Variants in IFT74 observed in about 807,000 individuals in gnomAD.
IFT74 encodes the protein intraflagellar transport 74.
In IFT74, 92 loss-of-function variants were observed where a neutral mutation model predicts 96.7. The ratio of observed to expected loss-of-function variants is 0.95; its 90% confidence interval spans 0.80 to 1.13. The LOEUF is 1.13. IFT74 is among the 50% of genes most tolerant of loss of function. The pLI, the probability that IFT74 is intolerant of heterozygous loss-of-function variation, is 0.00. For synonymous variants in IFT74, 223 were observed against 213.2 expected, an observed-to-expected ratio of 1.05 and a Z score of -0.40; for missense variants, 811 against 698.2, an observed-to-expected ratio of 1.16 and a Z score of -1.82.
chr9:26,949,813 C>T (rs1008162586), intron 1 of IFT74, among the ~76,000 whole-genome samples: 1 of 152,146 alleles, frequency 6.6e-6, no homozygotes. Context: ...GAACTATCTT[C>T]GTGAACCTGA....
In IFT74 at chr9:27,064,320, A is replaced by G. The variant is rs2131722753; in HGVS notation, c.*1584A>G. Among the ~76,000 whole-genome samples, 1 of 152,146 alleles carries G rather than the reference A, an allele frequency of 6.6e-6. No homozygotes were observed. Among genetic ancestry groups the G allele is most frequent in the South Asian group, 2.1e-4 (1 of 4,816 alleles). On this transcript the variant is annotated 3_prime_UTR_variant, in exon 20 of 20. Coordinates refer to ENST00000380062, the MANE Select transcript of IFT74 (RefSeq NM_025103.4). ...CTCAGCTGTTTTATGCTGTGATTGT[A>G]TGGGGTTTTCTATTGGAAATTGGTA...
At position 27,049,771 on chromosome 9, in the gene IFT74, G is replaced by C. The variant is rs1020329236; in HGVS notation, c.1333+1497G>C. On this transcript the variant is annotated intron_variant, in intron 16 of 19. Transcript: ENST00000380062. ...CACATATCCAGCCTAGTCTTGGATA[G>C]TTAAGAAGAGATGATGTTTCACTTT... Among the ~76,000 whole-genome samples the C allele has an allele frequency of 5.3e-5, 8 of 152,300 alleles. No individual in the cohort carries two copies. The South Asian group carries it at 1.2e-3, about 24-fold the overall frequency.
At chr9:27,044,686 T>C in intron 13 of IFT74, 56 bp from the exon 14 acceptor site, 1 of 971,534 alleles carries the variant, frequency 1.0e-6, no homozygotes. Context: ...ATTTTTAATT[T>C]AGAGCCCTGT....
intron 14 of IFT74, among the ~76,000 whole-genome samples, chr9:27,045,591 G>C (rs1052111868): frequency 1.3e-5 from 2 of 151,920 alleles, no homozygotes; most frequent in African/African-American, 2.4e-5. Context: ...ATCTCAGCCT[G>C]ATTTTATAAA....
chr9:26,998,008 A>G, intron 8 of IFT74: 1 of 1,613,928 alleles, frequency 6.2e-7, no homozygotes, highest in Admixed American at 1.7e-5. Context: ...TGGAGTTTCT[A>G]CAGATATTTA....
intron 10 of IFT74, among the ~76,000 whole-genome samples, chr9:27,013,665 T>G (rs1048785140): frequency 1.1e-4 from 16 of 152,260 alleles, no homozygotes; most frequent in Admixed American, 9.8e-4. Flanking sequence ...AGTATCTATT[T>G]ATATCATTTT....
chr9:27,052,959 GT>G (rs1232568443), intron 16 of IFT74, among the ~76,000 whole-genome samples: 4 of 151,974 alleles, frequency 2.6e-5, no homozygotes, highest in Admixed American at 2.0e-4. Context: ...GCCCCCAGGG[GT>G]TCACGCCATT....
intron 1 of IFT74, among the ~76,000 whole-genome samples, chr9:26,957,993 T>C (rs1587229024): frequency 6.6e-6 from 1 of 152,146 alleles, no homozygotes; most frequent in African/African-American, 2.4e-5. Flanking sequence ...GATCTCGTGA[T>C]CCACCCGCCT....
At chr9:27,025,493 C>G (rs1217502508) in intron 12 of IFT74, among the ~76,000 whole-genome samples, 3 of 138,880 alleles carry the variant, frequency 2.2e-5, no homozygotes, top group Non-Finnish European at 4.8e-5. Context: ...TCAAAGATTA[C>G]AACTGGGAAA....
intron 9 of IFT74, among the ~76,000 whole-genome samples, chr9:27,010,425 C>G (rs1298127844): frequency 6.6e-6 from 1 of 152,050 alleles, no homozygotes; most frequent in East Asian, 1.9e-4. Context: ...CCCCATGCCC[C>G]CAACTGGGCA....
intron 2 of IFT74, among the ~76,000 whole-genome samples, chr9:26,968,294 C>T (rs1045612686): frequency 6.7e-6 from 1 of 150,116 alleles, no homozygotes; most frequent in Non-Finnish European, 1.5e-5. Flanking sequence ...TGTAATCTCG[C>T]TCTGTTGCCC....
intron 2 of IFT74, chr9:26,976,661 C>T (rs572130481): frequency 3.0e-5 from 13 of 430,602 alleles, no homozygotes; most frequent in African/African-American, 2.7e-4. Flanking sequence ...GTAGTAAAAT[C>T]AGAAAGAAGA....
chr9:27,036,819 A>G (rs934069859), intron 13 of IFT74: 2 of 1,061,312 alleles, frequency 1.9e-6, no homozygotes, highest in African/African-American at 3.3e-5. Flanking sequence ...TGATTTACCA[A>G]AGTGACACAA....
intron 2 of IFT74, 123 bp downstream of exon 2, chr9:26,962,210 G>C: frequency 4.7e-6 from 4 of 843,650 alleles, no homozygotes; most frequent in Non-Finnish European, 5.5e-6. Context: ...GAGTTTTTGA[G>C]ACTGTCTCAA....
At chr9:27,036,579 C>A (rs1382044948) in intron 13 of IFT74, 4 of 1,587,334 alleles carry the variant, frequency 2.5e-6, no homozygotes, top group Non-Finnish European at 3.4e-6. Flanking sequence ...CTATAGCCTC[C>A]CATTGTTTCA....
At chr9:27,043,695 G>T (rs1181245155) in intron 13 of IFT74, among the ~76,000 whole-genome samples, 1 of 152,120 alleles carries the variant, frequency 6.6e-6, no homozygotes, top group African/African-American at 2.4e-5. Context: ...TAGGTTAGTT[G>T]TACTACCATC....
intron 6 of IFT74, among the ~76,000 whole-genome samples, 171 bp from the exon 7 acceptor site, chr9:26,988,498 A>T (rs537846316): frequency 1.3e-5 from 2 of 152,352 alleles, no homozygotes; most frequent in Non-Finnish European, 2.9e-5. Flanking sequence ...ATATATGCTT[A>T]CTTAGGTAGC....
intron 2 of IFT74, among the ~76,000 whole-genome samples, chr9:26,963,601 C>T (rs1215891712): frequency 6.6e-6 from 1 of 150,968 alleles, no homozygotes; most frequent in Non-Finnish European, 1.5e-5. Context: ...CCTATTTCTC[C>T]ACATCCTCTC....
At chr9:27,035,750 A>C (rs895498403) in intron 13 of IFT74, among the ~76,000 whole-genome samples, 1 of 152,242 alleles carries the variant, frequency 6.6e-6, no homozygotes, top group South Asian at 2.1e-4. Context: ...TAATTAGATA[A>C]TAAAAATTAT....
Sources: gnomAD v4.1 joint callset for allele counts (sites outside exome capture counted in the v4.1 genomes callset) on GRCh38, gnomAD v4.1.1 for gene constraint, MANE v1.5 for transcripts, NCBI Gene and HGNC (gene_info 2026-07-23, HGNC 2026-07-21) for gene names.